DIPK1A: variants seen among roughly 807,000 people sequenced by gnomAD.
DIPK1A encodes family with sequence similarity 69 member A.
In DIPK1A, 27 loss-of-function variants were observed where a neutral mutation model predicts 40.8. The ratio of observed to expected loss-of-function variants is 0.66; its 90% CI spans 0.49 to 0.91. The LOEUF (loss-of-function observed/expected upper bound fraction) is 0.91, where lower values mean the gene tolerates loss of function less well. Ranked by LOEUF, DIPK1A falls within the 40% of genes least tolerant of loss-of-function variation. The pLI, the probability that DIPK1A is intolerant of heterozygous loss-of-function variation, is 0.00. For missense variants in DIPK1A, 412 were observed against 505.7 expected, an observed-to-expected ratio of 0.81 and a Z score of 1.78; for synonymous variants, 166 against 171.3, an observed-to-expected ratio of 0.97 and a Z score of 0.24.
intron 1 of DIPK1A, among the ~76,000 whole-genome samples, chr1:92,935,359 G>GT (rs1338264002): frequency 6.6e-6 from 1 of 152,098 alleles, no homozygotes; most frequent in Non-Finnish European, 1.5e-5. Flanking sequence ...TAATATAACA[G>GT]TTTTTTAAAG....
chr1:92,901,432 G>A (rs74891869), intron 1 of DIPK1A, among the ~76,000 whole-genome samples: 1,879 of 152,152 alleles, frequency 0.012, 42 homozygotes, highest in African/African-American at 0.042. Context: ...ACTGAGCTAG[G>A]ATCTGTGATT....
At chr1:92,909,567 G>C (rs1394095123) in intron 1 of DIPK1A, among the ~76,000 whole-genome samples, 1 of 152,204 alleles carries the variant, frequency 6.6e-6, no homozygotes, top group Non-Finnish European at 1.5e-5. Flanking sequence ...AGCCCAGAAA[G>C]AGTGGCTTTC....
intron 1 of DIPK1A, among the ~76,000 whole-genome samples, chr1:92,952,009 A>G (rs1651652912): frequency 1.4e-5 from 2 of 144,244 alleles, no homozygotes; most frequent in Admixed American, 7.3e-5. Flanking sequence ...CATCAGGAAA[A>G]TGAAATTAAA....
intron 3 of DIPK1A, 86 bp from the exon 4 acceptor site, chr1:92,847,445 C>T: frequency 2.5e-6 from 2 of 800,914 alleles, no homozygotes; most frequent in Non-Finnish European, 3.6e-6. Context: ...GGTCCTCCTC[C>T]TCTGAACAAA....
chr1:92,880,606 C>T (rs1234130161), intron 1 of DIPK1A, among the ~76,000 whole-genome samples: 4 of 152,186 alleles, frequency 2.6e-5, no homozygotes. Flanking sequence ...CGGTGGCTCA[C>T]GCCTGTTATC....
chr1:92,910,150 T>C (rs1649776151), intron 1 of DIPK1A, among the ~76,000 whole-genome samples: 1 of 152,222 alleles, frequency 6.6e-6, no homozygotes, highest in African/African-American at 2.4e-5. Flanking sequence ...TGGAAAATTT[T>C]ATCAGTACTT....
chr1:92,889,247 A>G (rs72968097), intron 1 of DIPK1A, among the ~76,000 whole-genome samples: 4,334 of 152,278 alleles, frequency 0.028, 216 homozygotes, highest in African/African-American at 0.098. Context: ...TTCCAACACT[A>G]CTTACTGAAG....
intron 2 of DIPK1A, among the ~76,000 whole-genome samples, chr1:92,854,302 C>G (rs1330325393): frequency 1.3e-5 from 2 of 152,146 alleles, no homozygotes; most frequent in African/African-American, 4.8e-5. Context: ...ACCTAATATC[C>G]ATTAAAAGAT....
chr1:92,862,103 G>A (rs935437076), intron 2 of DIPK1A, among the ~76,000 whole-genome samples: 1 of 152,014 alleles, frequency 6.6e-6, no homozygotes, highest in African/African-American at 2.4e-5. Flanking sequence ...TGTTTTCCAG[G>A]GTTTTGTTCC....
chr1:92,882,319 C>T (rs1003059090), intron 1 of DIPK1A, among the ~76,000 whole-genome samples: 19 of 152,302 alleles, frequency 1.2e-4, no homozygotes, highest in African/African-American at 4.1e-4. Flanking sequence ...ACCAGGGAGG[C>T]AGAGGTTGCA....
intron 2 of DIPK1A, among the ~76,000 whole-genome samples, chr1:92,860,720 G>T (rs1392708386): frequency 6.7e-6 from 1 of 149,980 alleles, no homozygotes; most frequent in African/African-American, 2.5e-5. Context: ...GGAGGAGGAG[G>T]TTGTAGTGGG....
intron 2 of DIPK1A, among the ~76,000 whole-genome samples, chr1:92,858,114 G>A (rs758584718): frequency 4.6e-5 from 7 of 152,262 alleles, no homozygotes; most frequent in South Asian, 2.1e-4. Context: ...GTTTTTATCC[G>A]GAAGTAGGGC....
chr1:92,908,081 C>T (rs956832604), intron 1 of DIPK1A, among the ~76,000 whole-genome samples: 1 of 151,930 alleles, frequency 6.6e-6, no homozygotes, highest in Non-Finnish European at 1.5e-5. Context: ...CACTGAAGGA[C>T]AAAAACATTG....
chr1:92,832,946 C>G lies in DIPK1A; in HGVS notation c.*74G>C, dbSNP rs1686966876. The G allele has an allele frequency of 5.6e-6, 4 of 709,176 alleles. No individual in the cohort carries two copies. In the Admixed American group the frequency reaches 8.0e-5, roughly 14 times the overall value. 43.9% of individuals were successfully genotyped at this position (709,176 alleles called of 1,614,324 possible). A position where few individuals can be genotyped will look rare whatever the true frequency, so the allele number is the denominator to read the frequency against. ...GCTAGGTTTTCGAAGTGGGACATAGCGTGTTCCGAACAAACCGACGTTTGG... is the reference window on the plus strand; with the variant it reads ...GCTAGGTTTTCGAAGTGGGACATAGGGTGTTCCGAACAAACCGACGTTTGG... On this transcript the variant is annotated 3_prime_UTR_variant, in exon 5 of 5. Coordinates refer to the DIPK1A transcript ENST00000615519.
intron 1 of DIPK1A, among the ~76,000 whole-genome samples, chr1:92,952,396 G>C (rs764904940): frequency 1.3e-5 from 2 of 152,158 alleles, no homozygotes. Flanking sequence ...AAGGTGGGCC[G>C]ACTGCTTGAG....
intron 1 of DIPK1A, among the ~76,000 whole-genome samples, chr1:92,901,755 G>C (rs1309980128): frequency 6.6e-6 from 1 of 152,124 alleles, no homozygotes; most frequent in Non-Finnish European, 1.5e-5. Context: ...GAACACAGCT[G>C]TTGTTTGGGC....
chr1:92,925,014 C>A (rs1413605775), intron 1 of DIPK1A, among the ~76,000 whole-genome samples: 1 of 152,186 alleles, frequency 6.6e-6, no homozygotes, highest in East Asian at 1.9e-4. Context: ...TTTATTTAAG[C>A]CCCATGCTGA....
chr1:92,935,314 T>A (rs548406527), intron 1 of DIPK1A, among the ~76,000 whole-genome samples: 1 of 152,314 alleles, frequency 6.6e-6, no homozygotes, highest in South Asian at 2.1e-4. Flanking sequence ...TGCTAGAAAT[T>A]GCAATATACT....
intron 1 of DIPK1A, among the ~76,000 whole-genome samples, chr1:92,943,575 A>G (rs1404516755): frequency 6.6e-6 from 1 of 152,090 alleles, no homozygotes; most frequent in Admixed American, 6.5e-5. Flanking sequence ...TACTCGAAAA[A>G]CCAGATAGCT....
Sources: allele counts gnomAD v4.1 joint callset (sites outside exome capture counted in the v4.1 genomes callset), GRCh38; gene constraint gnomAD v4.1.1; transcripts MANE v1.5; gene names NCBI Gene and HGNC (gene_info 2026-07-23, HGNC 2026-07-21).